LRRTM4: variants seen among roughly 807,000 people sequenced by gnomAD.
LRRTM4 encodes leucine-rich repeat transmembrane neuronal protein 4.
Under a neutral mutation model 47.6 loss-of-function variants are expected in LRRTM4, and 25 were observed. The ratio of observed to expected loss-of-function variants is 0.53; its 90% CI spans 0.38 to 0.73. The LOEUF (loss-of-function observed/expected upper bound fraction) is 0.73. Ranked by LOEUF, LRRTM4 falls within the 30% of genes least tolerant of loss-of-function variation. LRRTM4 has a pLI of 0.00. For missense variants in LRRTM4, 638 were observed against 713.4 expected, an observed-to-expected ratio of 0.89 and a Z score of 1.20; for synonymous variants, 311 against 269.5, an observed-to-expected ratio of 1.15 and a Z score of -1.51.
intron 3 of LRRTM4, among the ~76,000 whole-genome samples, chr2:77,136,858 C>G (rs1572997772): frequency 6.6e-6 from 1 of 151,792 alleles, no homozygotes; most frequent in Non-Finnish European, 1.5e-5. Context: ...ATTCGATCAA[C>G]TGGAAGAAAG....
chr2:77,390,723 C>T (rs554447621), intron 3 of LRRTM4, among the ~76,000 whole-genome samples: 27 of 150,676 alleles, frequency 1.8e-4, no homozygotes, highest in South Asian at 4.2e-4. Context: ...AATTGAGAGG[C>T]CAAAACAAAG....
At chr2:77,462,303 A>T (rs1250849213) in intron 3 of LRRTM4, among the ~76,000 whole-genome samples, 1 of 152,070 alleles carries the variant, frequency 6.6e-6, no homozygotes, top group Non-Finnish European at 1.5e-5. Flanking sequence ...ATAAAACCAA[A>T]TCTTTCAAGG....
intron 3 of LRRTM4, among the ~76,000 whole-genome samples, chr2:76,890,833 C>T (rs534065690): frequency 4.3e-4 from 66 of 151,928 alleles, no homozygotes; most frequent in African/African-American, 1.4e-3. Context: ...AAGCCAATGG[C>T]GACTTGCATG....
At chr2:77,491,583 A>C (rs1367621186) in intron 3 of LRRTM4, among the ~76,000 whole-genome samples, 1 of 152,002 alleles carries the variant, frequency 6.6e-6, no homozygotes, top group African/African-American at 2.4e-5. Flanking sequence ...GTTTAAAAGA[A>C]AAAAATTCTT....
chr2:77,315,205 C>T (rs188242114), intron 3 of LRRTM4, among the ~76,000 whole-genome samples: 1 of 150,596 alleles, frequency 6.6e-6, no homozygotes, highest in Admixed American at 6.6e-5. Flanking sequence ...TAGTGTGTGA[C>T]ATCTACACAT....
chr2:77,517,516 G>A, intron 3 of LRRTM4: 1 of 984,900 alleles, frequency 1.0e-6, no homozygotes, highest in African/African-American at 1.7e-5. Flanking sequence ...TTAGTTACCA[G>A]GGACAAAGCC....
intron 3 of LRRTM4, among the ~76,000 whole-genome samples, chr2:77,170,147 A>G (rs1673004218): frequency 6.6e-6 from 1 of 152,108 alleles, no homozygotes; most frequent in Admixed American, 6.6e-5. Flanking sequence ...GGTGTTAGAG[A>G]CGAGATATGA....
At chr2:77,182,207 G>T (rs997380901) in intron 3 of LRRTM4, among the ~76,000 whole-genome samples, 1 of 152,160 alleles carries the variant, frequency 6.6e-6, no homozygotes, top group Non-Finnish European at 1.5e-5. Flanking sequence ...TAAAGAAAAT[G>T]TGGTATATAT....
In LRRTM4 at chr2:76,899,422, G is replaced by A. The variant is rs369593679; in HGVS notation, c.1552-150506C>T. Among the ~76,000 whole-genome samples, 14 of 151,920 alleles carry A rather than the reference G, an allele frequency of 9.2e-5. No homozygotes were observed. In the South Asian group the frequency reaches 2.5e-3, roughly 27 times the overall value. On this transcript the variant is annotated intron_variant, in intron 3 of 3. Coordinates refer to ENST00000409884, the MANE Select transcript of LRRTM4 (RefSeq NM_001134745.3). Reference sequence around the variant, plus strand: ...TTGAGAGGTAGGGCAAAAAGTGTTGGAGGTGAATGATTTTAGGGTTGACTA... The same window carrying A: ...TTGAGAGGTAGGGCAAAAAGTGTTGAAGGTGAATGATTTTAGGGTTGACTA...
intron 3 of LRRTM4, among the ~76,000 whole-genome samples, chr2:77,194,567 C>T (rs902166296): frequency 6.6e-6 from 1 of 152,164 alleles, no homozygotes; most frequent in African/African-American, 2.4e-5. Flanking sequence ...CAAACATCAA[C>T]AGAAAATCAT....
intron 3 of LRRTM4, among the ~76,000 whole-genome samples, chr2:77,100,675 G>C (rs1173710438): frequency 6.6e-6 from 1 of 152,038 alleles, no homozygotes; most frequent in Admixed American, 6.6e-5. Context: ...AAAAATCATT[G>C]AGGCAATCAG....
intron 3 of LRRTM4, among the ~76,000 whole-genome samples, chr2:76,995,295 T>G (rs1446725): frequency 0.51 from 76,825 of 151,860 alleles, 20,130 homozygotes; most frequent in African/African-American, 0.64. Flanking sequence ...GCCTTTGAAT[T>G]CATGTTCAAG....
chr2:76,783,230 T>C (rs1674493228), intron 3 of LRRTM4, among the ~76,000 whole-genome samples: 1 of 152,204 alleles, frequency 6.6e-6, no homozygotes, highest in African/African-American at 2.4e-5. Flanking sequence ...GTAAGCTAAA[T>C]GTTGTGTTTT....
At chr2:76,861,365 A>C (rs1396212608) in intron 3 of LRRTM4, among the ~76,000 whole-genome samples, 2 of 152,002 alleles carry the variant, frequency 1.3e-5, no homozygotes, top group African/African-American at 4.8e-5. Flanking sequence ...TCTGCACATC[A>C]CCAATTGATT....
chr2:76,904,143 T>C (rs571553264), intron 3 of LRRTM4, among the ~76,000 whole-genome samples: 2 of 152,208 alleles, frequency 1.3e-5, no homozygotes, highest in African/African-American at 2.4e-5. Flanking sequence ...AAGCATAGTA[T>C]AATTGAGACT....
At chr2:76,997,627 C>T (rs963550089) in intron 3 of LRRTM4, among the ~76,000 whole-genome samples, 1 of 152,118 alleles carries the variant, frequency 6.6e-6, no homozygotes, top group African/African-American at 2.4e-5. Context: ...CCCATGAAGT[C>T]ACATTTAAGA....
At chr2:77,347,351 T>A (rs916953961) in intron 3 of LRRTM4, among the ~76,000 whole-genome samples, 95 of 152,176 alleles carry the variant, frequency 6.2e-4, no homozygotes, top group African/African-American at 2.2e-3. Context: ...TTTAAATTAA[T>A]AGCTATTTCT....
At chr2:77,022,980 C>T (rs1323671661) in intron 3 of LRRTM4, among the ~76,000 whole-genome samples, 1 of 152,254 alleles carries the variant, frequency 6.6e-6, no homozygotes, top group Non-Finnish European at 1.5e-5. Context: ...ACTGCCCTAG[C>T]AAAGGTTCTG....
chr2:77,047,559 A>G (rs550205828), intron 3 of LRRTM4, among the ~76,000 whole-genome samples: 7 of 151,838 alleles, frequency 4.6e-5, no homozygotes, highest in Non-Finnish European at 1.0e-4. Context: ...CATCACCCCA[A>G]TCTTTGCCTA....
Sources: gnomAD v4.1 joint callset for allele counts (sites outside exome capture counted in the v4.1 genomes callset) on GRCh38, gnomAD v4.1.1 for gene constraint, MANE v1.5 for transcripts, NCBI Gene and HGNC (gene_info 2026-07-23, HGNC 2026-07-21) for gene names.